Variants in TRIM27 observed in about 807,000 individuals in gnomAD.
TRIM27 encodes the protein tripartite motif containing 27.
TRIM27 carries 12 observed loss-of-function variants against 57.6 expected under a neutral mutation model. The ratio of observed to expected loss-of-function variants is 0.21; its 90% CI spans 0.13 to 0.34. The LOEUF (loss-of-function observed/expected upper bound fraction) is 0.34. TRIM27 is among the 10% of genes least tolerant of loss of function. The probability of loss-of-function intolerance (pLI) is 1.00; values close to 1 mark genes in which losing one functional copy is unlikely to be tolerated. For synonymous variants in TRIM27, 266 were observed against 259.0 expected (o/e 1.03, Z -0.26); for missense variants, 403 against 656.8 (o/e 0.61, Z 4.22).
rs1772649852 is a variant in TRIM27, at chr6:28,904,903, C to G, written c.947-238G>C. On this transcript the variant is annotated intron_variant, in intron 7 of 7. Coordinates refer to ENST00000377199, the MANE Select transcript of TRIM27 (RefSeq NM_006510.5). This position sits in a 1 kb window ranked among gnomAD's most constrained non-coding sequence, Gnocchi z 6.1. ...GTATCTTTTCTTTCACATCTGAAGC[C>G]ACAATATCCATCATGAACTGATTTT... is the stretch of plus-strand genomic sequence containing the variant. The G allele has an allele frequency of 1.8e-6, 1 of 550,298 alleles. No individual in the cohort carries two copies. The highest frequency in any genetic ancestry group is 3.2e-6 in the Non-Finnish European group (1 of 310,426). The allele number at this position is 550,298 out of a possible 1,614,324, so 34.1% of individuals were successfully genotyped here.
intron 4 of TRIM27, among the ~76,000 whole-genome samples, chr6:28,909,985 A>C (rs957153527): frequency 9.2e-5 from 14 of 152,138 alleles, no homozygotes; most frequent in Admixed American, 7.2e-4. Context: ...TTAAAAATGT[A>C]ACATGACAGG....
chr6:28,904,812 T>C lies in TRIM27; in HGVS notation c.947-147A>G. The C allele has an allele frequency of 3.3e-6, 2 of 603,214 alleles. No homozygotes were observed. Among genetic ancestry groups the C allele is most frequent in the Non-Finnish European group, 5.7e-6 (2 of 350,784 alleles). The allele number at this position is 603,214 out of a possible 1,614,324, so 37.4% of individuals were successfully genotyped here. On this transcript the variant is annotated intron_variant, in intron 7 of 7. Coordinates refer to ENST00000377199, the MANE Select transcript of TRIM27 (RefSeq NM_006510.5). This position sits in a 1 kb window ranked among gnomAD's most constrained non-coding sequence, Gnocchi z 6.1. Reference sequence around the variant, plus strand: ...TTTAGAATATATTCTAAACTTCACATTTCAAAAATTACTGCTTGGATTAGC... The same window carrying C: ...TTTAGAATATATTCTAAACTTCACACTTCAAAAATTACTGCTTGGATTAGC...
At chr6:28,913,145 C>T (rs1004755389) in intron 3 of TRIM27, among the ~76,000 whole-genome samples, 1 of 151,656 alleles carries the variant, frequency 6.6e-6, no homozygotes, top group Non-Finnish European at 1.5e-5. Flanking sequence ...ATCCCAGCTA[C>T]TCGGGAGGCT....
chr6:28,922,932 G>A (rs1774156918), intron 1 of TRIM27, among the ~76,000 whole-genome samples: 1 of 152,138 alleles, frequency 6.6e-6, no homozygotes, highest in East Asian at 1.9e-4. Flanking sequence ...CTTTTAAACT[G>A]TCAAAAGGAT....
chr6:28,915,477 T>A (rs1032837245), intron 3 of TRIM27, among the ~76,000 whole-genome samples: 1 of 151,818 alleles, frequency 6.6e-6, no homozygotes, highest in African/African-American at 2.4e-5. Context: ...GGTGTGGTGG[T>A]GTGTGCCTGT....
At chr6:28,917,079 C>G (rs538587368) in intron 3 of TRIM27, among the ~76,000 whole-genome samples, 180 of 149,850 alleles carry the variant, frequency 1.2e-3, no homozygotes, top group Non-Finnish European at 2.4e-3. Context: ...GAGGTCAAGG[C>G]TGCGGTGAGC....
chr6:28,913,266 A>AT (rs1330423376), intron 3 of TRIM27, among the ~76,000 whole-genome samples: 40 of 139,080 alleles, frequency 2.9e-4, no homozygotes, highest in Middle Eastern at 3.6e-3. Flanking sequence ...AAAAAAAAAA[A>AT]AAAATATATA....
In TRIM27 at chr6:28,923,383, C is replaced by T. The variant is rs939593664; in HGVS notation, c.250G>A (p.Glu84Lys). Residue 84 changes from glutamate to lysine, a missense_variant, in exon 1 of 8, where the codon GAG (glutamate) becomes AAG (lysine). Coordinates refer to ENST00000377199, the MANE Select transcript of TRIM27 (RefSeq NM_006510.5). The part of the protein sequence containing the change: ...VTQLVKQLRT[E>K]RPSGPGGEMG... ...TCGCCGCCGGGCCCCGACGGCCGCT[C>T]GGTGCGCAGCTGCTTTACCAGTTGG... The T allele has an allele frequency of 2.5e-6, 4 of 1,612,000 alleles. No individual in the cohort carries two copies. The highest frequency in any genetic ancestry group is 3.4e-6 in the Non-Finnish European group (4 of 1,179,638).
At chr6:28,907,065 C>T (rs1772821219) in intron 7 of TRIM27, 171 bp downstream of exon 7, 2 of 606,872 alleles carry the variant, frequency 3.3e-6, no homozygotes, top group African/African-American at 3.7e-5. Flanking sequence ...GGCAAAGATA[C>T]TGTTAACACA....
chr6:28,919,928 AG>A, intron 3 of TRIM27, 83 bp downstream of exon 3: 1 of 1,295,470 alleles, frequency 7.7e-7, no homozygotes, highest in Non-Finnish European at 1.1e-6. Flanking sequence ...AAAAGAAGAC[AG>A]GGGGTCCTGG....
intron 2 of TRIM27, among the ~76,000 whole-genome samples, chr6:28,921,287 G>T (rs1487064867): frequency 2.0e-5 from 3 of 151,864 alleles, no homozygotes; most frequent in Non-Finnish European, 4.4e-5. Context: ...AGGCTGAGGT[G>T]GGAGAATCGC....
Position 28,923,315 on chromosome 6 carries a change from G to A in TRIM27, c.318C>T (p.Tyr106=). The change falls in exon 1 of 8, where the codon TAC becomes TAT. Residue 106 remains tyrosine, a synonymous_variant. Transcript: ENST00000377199. ...AGATGGGCATCTGGTCCTCCTCGCA[G>A]TACAGCTTCAGGGGCTCGCGGTGCT... is the stretch of plus-strand genomic sequence containing the variant. The part of the protein sequence containing the change: ...CEKHREPLKL[Y]CEEDQMPICV... 6.2e-7 allele frequency: 1 copy of A among 1,612,560 alleles called. No individual in the cohort carries two copies. The highest frequency in any genetic ancestry group is 8.5e-7 in the Non-Finnish European group (1 of 1,179,792).
At chr6:28,917,998 G>C (rs573214794) in intron 3 of TRIM27, among the ~76,000 whole-genome samples, 2 of 151,878 alleles carry the variant, frequency 1.3e-5, no homozygotes, top group Non-Finnish European at 2.9e-5. Flanking sequence ...GGCTAATTTT[G>C]TATTTTTAAT....
At chr6:28,918,140 T>G (rs1385806205) in intron 3 of TRIM27, among the ~76,000 whole-genome samples, 2 of 152,168 alleles carry the variant, frequency 1.3e-5, no homozygotes, top group Non-Finnish European at 2.9e-5. Context: ...TATGGTTTCT[T>G]GTGGCTTCAG....
intron 4 of TRIM27, 36 bp downstream of exon 4, chr6:28,911,660 T>C (rs1773218617): frequency 1.2e-6 from 2 of 1,603,332 alleles, no homozygotes; most frequent in African/African-American, 1.3e-5. Flanking sequence ...AGTCTTCTCA[T>C]ATTTGATTTA....
At chr6:28,906,232 ATAAT>A in intron 7 of TRIM27, 1 of 151,980 alleles carries the variant, frequency 6.6e-6, no homozygotes, top group African/African-American at 2.4e-5. Flanking sequence ...AAAAATTAAA[ATAAT>A]AAATAAATAA....
Position 28,921,764 on chromosome 6 carries a change from T to C in TRIM27, c.516+128A>G. 3 of 763,664 alleles carry C rather than the reference T, an allele frequency of 3.9e-6. No homozygotes were observed. The Admixed American group carries it at 6.2e-5, about 16-fold the overall frequency. The allele number at this position is 763,664 out of a possible 1,614,324, so 47.3% of individuals were successfully genotyped here. A position where few individuals can be genotyped will look rare whatever the true frequency, so the allele number is the denominator to read the frequency against. On this transcript the variant is annotated intron_variant, in intron 2 of 7. Coordinates refer to ENST00000377199, the MANE Select transcript of TRIM27 (RefSeq NM_006510.5). The stretch of plus-strand genomic sequence containing the variant: ...TTCTCCGGGTGAGTTCCCACTGCCA[T>C]GTGCGGTTGATCCACCTCTACCTAC...
At chr6:28,916,656 G>A (rs1009719396) in intron 3 of TRIM27, among the ~76,000 whole-genome samples, 2 of 152,148 alleles carry the variant, frequency 1.3e-5, no homozygotes, top group Admixed American at 6.5e-5. Flanking sequence ...CCAGGAGTTA[G>A]GGGTAGAAGG....
At chr6:28,915,881 C>G (rs1368472182) in intron 3 of TRIM27, 1 of 152,082 alleles carries the variant, frequency 6.6e-6, no homozygotes, top group Non-Finnish European at 1.5e-5. Context: ...AAGAGAAATA[C>G]TGAAACATAT....
Sources: allele counts gnomAD v4.1 joint callset (sites outside exome capture counted in the v4.1 genomes callset), GRCh38; gene constraint gnomAD v4.1.1; non-coding constraint Gnocchi (gnomAD v3.1); transcripts MANE v1.5; gene names NCBI Gene and HGNC (gene_info 2026-07-23, HGNC 2026-07-21).